The following LINGO2 variants were observed in gnomAD, a reference collection of about 807,000 sequenced individuals.
LINGO2 encodes the protein leucine-rich repeat and immunoglobulin-like domain-containing nogo receptor-interacting protein 2.
Under a neutral mutation model 30.6 loss-of-function variants are expected in LINGO2, and 14 were observed. The observed-to-expected ratio is 0.46, with a 90% CI of 0.30 to 0.72. LINGO2 has a LOEUF of 0.72. Among genes scored for constraint, LINGO2 ranks in the 30% least tolerant of loss-of-function variants. LINGO2 has a pLI of 0.07. For missense variants in LINGO2, 729 were observed against 751.7 expected (o/e 0.97, Z 0.35); for synonymous variants, 317 against 288.5 (o/e 1.10, Z -1.00).
intron 1 of LINGO2, among the ~76,000 whole-genome samples, chr9:28,526,171 A>T (rs376950519): frequency 6.6e-6 from 1 of 152,062 alleles, no homozygotes; most frequent in East Asian, 1.9e-4. Context: ...ACAAAAACGG[A>T]ATCTAAAAAT....
intron 3 of LINGO2, among the ~76,000 whole-genome samples, chr9:28,328,129 C>G (rs1825295379): frequency 1.3e-5 from 2 of 152,016 alleles, no homozygotes. Context: ...TATATTGTAT[C>G]CAGAGGAAAT....
the LINGO2 span, among the ~76,000 whole-genome samples, chr9:29,110,630 G>A: frequency 6.6e-6 from 1 of 151,548 alleles, no homozygotes; most frequent in Non-Finnish European, 1.5e-5. Context: ...CACCGCGCCC[G>A]GCCACAGCTA....
chr9:28,302,917 T>G (rs952431644), intron 3 of LINGO2, among the ~76,000 whole-genome samples: 2 of 152,184 alleles, frequency 1.3e-5, no homozygotes, highest in African/African-American at 2.4e-5. Context: ...ATAAGTAGCT[T>G]GCTTAAGGTC....
At chr9:28,224,357 C>T (rs536475777) in intron 4 of LINGO2, among the ~76,000 whole-genome samples, 1 of 152,290 alleles carries the variant, frequency 6.6e-6, no homozygotes, top group South Asian at 2.1e-4. Flanking sequence ...AGCCACCGCA[C>T]CTGGCCCAGA....
At chr9:29,036,560 C>T in the LINGO2 span, among the ~76,000 whole-genome samples, 2 of 151,944 alleles carry the variant, frequency 1.3e-5, no homozygotes, top group Non-Finnish European at 2.9e-5. Flanking sequence ...CCAGAAAGAC[C>T]TACTGCATGT....
the LINGO2 span, chr9:27,938,336 T>G: frequency 1.3e-5 from 2 of 152,132 alleles, no homozygotes; most frequent in Admixed American, 6.6e-5. Context: ...CTCAATGATA[T>G]CTAGTTACTC....
chr9:29,061,922 A>G, the LINGO2 span, among the ~76,000 whole-genome samples: 2 of 152,116 alleles, frequency 1.3e-5, no homozygotes, highest in East Asian at 3.9e-4. Flanking sequence ...TGCAAGTCAC[A>G]TATCTGATAG....
chr9:28,190,071 G>A (rs1452350), intron 4 of LINGO2, among the ~76,000 whole-genome samples: 1 of 151,946 alleles, frequency 6.6e-6, no homozygotes, highest in Non-Finnish European at 1.5e-5. Flanking sequence ...TTCTTTAAAC[G>A]TTTCACAAAC....
At chr9:28,776,062 T>G in the LINGO2 span, among the ~76,000 whole-genome samples, 2 of 152,202 alleles carry the variant, frequency 1.3e-5, no homozygotes, top group Non-Finnish European at 2.9e-5. Context: ...AAGAGTAGGT[T>G]TGTTTATTAA....
intron 2 of LINGO2, among the ~76,000 whole-genome samples, chr9:28,389,748 A>G (rs1821750488): frequency 6.6e-6 from 1 of 152,230 alleles, no homozygotes; most frequent in African/African-American, 2.4e-5. Context: ...CTTTGCAATC[A>G]TAAAATCTAG....
At chr9:28,395,510 G>A (rs150799888) in intron 2 of LINGO2, among the ~76,000 whole-genome samples, 11 of 145,140 alleles carry the variant, frequency 7.6e-5, no homozygotes, top group African/African-American at 2.8e-4. Flanking sequence ...ATATATGACA[G>A]TAAATCCTAA....
the LINGO2 span, among the ~76,000 whole-genome samples, chr9:29,125,450 G>C: frequency 6.6e-6 from 1 of 150,930 alleles, no homozygotes; most frequent in Non-Finnish European, 1.5e-5. Context: ...TATATACATA[G>C]TTTAATAACC....
chr9:28,428,404 C>G (rs577591549), intron 2 of LINGO2, among the ~76,000 whole-genome samples: 2 of 152,196 alleles, frequency 1.3e-5, no homozygotes, highest in South Asian at 2.1e-4. Flanking sequence ...CACTGCTTCT[C>G]CACAGAGGAA....
At chr9:29,042,836 C>T in the LINGO2 span, among the ~76,000 whole-genome samples, 1 of 151,544 alleles carries the variant, frequency 6.6e-6, no homozygotes, top group Non-Finnish European at 1.5e-5. Context: ...TAAAAAGTTA[C>T]ATAACATATG....
intron 4 of LINGO2, among the ~76,000 whole-genome samples, chr9:28,041,516 G>C (rs149603821): frequency 2.0e-5 from 3 of 152,278 alleles, no homozygotes; most frequent in Non-Finnish European, 4.4e-5. Flanking sequence ...GAGCTACTTA[G>C]AGGAAAATTG....
At chr9:28,453,640 A>C (rs893987544) in intron 2 of LINGO2, among the ~76,000 whole-genome samples, 1 of 151,924 alleles carries the variant, frequency 6.6e-6, no homozygotes, top group Non-Finnish European at 1.5e-5. Flanking sequence ...AGAGGAGTAA[A>C]ATGGTCTAAT....
chr9:28,633,726 A>G (rs1267333120), intron 1 of LINGO2, among the ~76,000 whole-genome samples: 1 of 152,188 alleles, frequency 6.6e-6, no homozygotes, highest in Non-Finnish European at 1.5e-5. Context: ...ACAATAAACT[A>G]ATAATACACT....
chr9:28,086,247 T>C (rs958917235), intron 4 of LINGO2, among the ~76,000 whole-genome samples: 1 of 151,996 alleles, frequency 6.6e-6, no homozygotes, highest in East Asian at 1.9e-4. Flanking sequence ...AATTAAAACA[T>C]ATGGAAAAAT....
chr9:29,151,662 C>T, the LINGO2 span, among the ~76,000 whole-genome samples: 1 of 152,058 alleles, frequency 6.6e-6, no homozygotes, highest in Non-Finnish European at 1.5e-5. Flanking sequence ...AAAAGAAGGG[C>T]ATTACCTAAA....
Sources: gnomAD v4.1 joint callset for allele counts (sites outside exome capture counted in the v4.1 genomes callset) on GRCh38, gnomAD v4.1.1 for gene constraint, MANE v1.5 for transcripts, NCBI Gene and HGNC (gene_info 2026-07-23, HGNC 2026-07-21) for gene names.